Variants in PRSS23 observed in about 807,000 individuals in gnomAD.
PRSS23 encodes the protein protease, serine 23.
PRSS23 carries 25 observed loss-of-function variants against 34.7 expected under a neutral mutation model. The ratio of observed to expected loss-of-function variants is 0.72; its 90% CI spans 0.53 to 1.01. PRSS23 has a LOEUF of 1.01. Among genes scored for constraint, PRSS23 ranks in the 50% least tolerant of loss-of-function variants. The pLI is 0.00. For missense variants in PRSS23, 445 were observed against 475.6 expected (o/e 0.94, Z 0.60); for synonymous variants, 176 against 186.6 (o/e 0.94, Z 0.46).
At chr11:86,860,087 T>C (rs1948602644) in intron 2 of PRSS23, among the ~76,000 whole-genome samples, 1 of 151,960 alleles carries the variant, frequency 6.6e-6, no homozygotes, top group Non-Finnish European at 1.5e-5. Flanking sequence ...ATATTGTTCC[T>C]AACATCCAGG....
intron 2 of PRSS23, among the ~76,000 whole-genome samples, chr11:86,875,878 T>C (rs1948720931): frequency 6.6e-6 from 1 of 152,234 alleles, no homozygotes; most frequent in Admixed American, 6.5e-5. Flanking sequence ...TAAAGACTTT[T>C]GACAATCTGG....
chr11:86,929,151 G>A (rs1267899694), intron 2 of PRSS23, among the ~76,000 whole-genome samples: 8 of 151,638 alleles, frequency 5.3e-5, no homozygotes, highest in Admixed American at 3.3e-4. Flanking sequence ...GAGAAACCCC[G>A]TCTCTACTAA....
intron 2 of PRSS23, among the ~76,000 whole-genome samples, chr11:86,870,594 C>G (rs1419015911): frequency 6.6e-6 from 1 of 152,172 alleles, no homozygotes; most frequent in Non-Finnish European, 1.5e-5. Context: ...AAGCGTTTTT[C>G]AATCCTTTTC....
chr11:86,817,415 G>C (rs1224348984), intron 1 of PRSS23, among the ~76,000 whole-genome samples: 2 of 152,210 alleles, frequency 1.3e-5, no homozygotes, highest in East Asian at 1.9e-4. Flanking sequence ...TGTGACTGCA[G>C]ATAGAACTTT....
At chr11:86,908,133 C>T (rs1220436255) in intron 2 of PRSS23, among the ~76,000 whole-genome samples, 1 of 152,162 alleles carries the variant, frequency 6.6e-6, no homozygotes, top group Non-Finnish European at 1.5e-5. Context: ...TAGGTTGTTT[C>T]CACATGTCAG....
chr11:86,816,265 C>T lies in PRSS23; in HGVS notation c.-11-7112C>T, dbSNP rs1023784369. Among the ~76,000 whole-genome samples the T allele has an allele frequency of 2.0e-5, 3 of 152,188 alleles. 1 individual carries two copies. The highest frequency in any genetic ancestry group is 4.1e-4 in the South Asian group (2 of 4,828). ...AAATGTCCTCAAGCCCACCTCGGTG[C>T]CAGTCACTGTGTTCACGCTGGGGCT... On this transcript the variant is annotated intron_variant, in intron 1 of 2. Coordinates refer to the PRSS23 transcript ENST00000533902.
intron 2 of PRSS23, among the ~76,000 whole-genome samples, chr11:86,831,131 C>G (rs886453622): frequency 6.6e-6 from 1 of 152,102 alleles, no homozygotes. Flanking sequence ...GGTGTACACT[C>G]CGTGATATTA....
upstream of PRSS23, among the ~76,000 whole-genome samples, chr11:86,799,803 C>A (rs1026412306): frequency 7.9e-5 from 12 of 152,126 alleles, no homozygotes; most frequent in African/African-American, 2.9e-4. Context: ...CGATGAAGAA[C>A]TGAGGCCAGT....
intron 2 of PRSS23, among the ~76,000 whole-genome samples, chr11:86,867,727 ATAAGT>A (rs909905800): frequency 3.9e-5 from 6 of 152,058 alleles, no homozygotes; most frequent in African/African-American, 9.7e-5. Context: ...AAAAAATAAA[ATAAGT>A]TGAGTGTGCT....
intron 2 of PRSS23, among the ~76,000 whole-genome samples, chr11:86,884,880 A>G (rs1422246339): frequency 1.3e-5 from 2 of 152,152 alleles, no homozygotes; most frequent in East Asian, 3.8e-4. Flanking sequence ...GGCATCCCTA[A>G]AATTGACATC....
At chr11:86,847,769 A>G (rs1565364877) in intron 2 of PRSS23, among the ~76,000 whole-genome samples, 2 of 152,212 alleles carry the variant, frequency 1.3e-5, no homozygotes, top group Admixed American at 6.5e-5. Context: ...TGAGGGATGT[A>G]TTAATTATAA....
In PRSS23 at chr11:86,811,101, C is replaced by T. The variant is rs960630931; in HGVS notation, c.*2306C>T. On this transcript the variant is annotated 3_prime_UTR_variant, in exon 2 of 2. Transcript: ENST00000280258. ...GTTGTATTAAGTCAGAGGAAGATGCCTCTCCATTTTCCCTCTCTTTATCAG... is the reference window on the plus strand; with the variant it reads ...GTTGTATTAAGTCAGAGGAAGATGCTTCTCCATTTTCCCTCTCTTTATCAG... 4 of 167,066 alleles carry T rather than the reference C, an allele frequency of 2.4e-5. No individual in the cohort carries two copies. The highest frequency in any genetic ancestry group is 1.9e-4 in the East Asian group (1 of 5,206). 10.3% of individuals were successfully genotyped at this position (167,066 alleles called of 1,614,324 possible).
At chr11:86,813,386 G>A (rs988447975), downstream of PRSS23, among the ~76,000 whole-genome samples, 3 of 152,190 alleles carry the variant, frequency 2.0e-5, no homozygotes, top group Non-Finnish European at 2.9e-5. Context: ...AATTTGTTCT[G>A]TTTAAGAGAC....
chr11:86,836,422 T>C (rs1032711512), intron 2 of PRSS23, among the ~76,000 whole-genome samples: 7 of 152,152 alleles, frequency 4.6e-5, no homozygotes, highest in African/African-American at 1.7e-4. Flanking sequence ...GTCCTTCTGT[T>C]ACACAGACTT....
intron 2 of PRSS23, among the ~76,000 whole-genome samples, chr11:86,825,884 C>G (rs1948296378): frequency 6.6e-6 from 1 of 151,822 alleles, no homozygotes; most frequent in Non-Finnish European, 1.5e-5. Context: ...GTTACTGTAG[C>G]CTTGTAGTAT....
chr11:86,803,497 C>G (rs2135595305), intron 1 of PRSS23, among the ~76,000 whole-genome samples: 1 of 152,330 alleles, frequency 6.6e-6, no homozygotes, highest in East Asian at 1.9e-4. Context: ...TAAGGAATTA[C>G]TCCATTATCA....
chr11:86,917,268 G>A (rs1405632324), intron 2 of PRSS23, among the ~76,000 whole-genome samples: 4 of 152,234 alleles, frequency 2.6e-5, no homozygotes, highest in African/African-American at 7.2e-5. Context: ...GCAGTGAGCT[G>A]AGATTGTGCC....
Position 86,858,412 on chromosome 11 carries a change from G to A in PRSS23, c.206+34819G>A, listed in dbSNP as rs565834588. Among the ~76,000 whole-genome samples the A allele has an allele frequency of 7.9e-5, 12 of 151,994 alleles. No homozygotes were observed. The East Asian group carries it at 2.3e-3, about 30-fold the overall frequency. ...GGATGTTATTACTCCCAATACCGAT[G>A]GGGGTGCACACAACCCTGTGATATT... On this transcript the variant is annotated intron_variant, in intron 2 of 2. Transcript: ENST00000533902.
upstream of PRSS23, among the ~76,000 whole-genome samples, chr11:86,797,365 T>C (rs1456049628): frequency 6.6e-6 from 1 of 152,240 alleles, no homozygotes; most frequent in Admixed American, 6.5e-5. Context: ...ATCGTCCTTA[T>C]GGCAATCGTG....
Sources: gnomAD v4.1 joint callset for allele counts (sites outside exome capture counted in the v4.1 genomes callset) on GRCh38, gnomAD v4.1.1 for gene constraint, MANE v1.5 for transcripts, NCBI Gene and HGNC (gene_info 2026-07-23, HGNC 2026-07-21) for gene names.